The following UNC79 variants were observed in gnomAD, a reference collection of about 807,000 sequenced individuals.
UNC79 encodes the protein unc-79 subunit of NALCN channel complex.
Under a neutral mutation model 283.1 loss-of-function variants are expected in UNC79, and 37 were observed. The ratio of observed to expected loss-of-function variants is 0.13; its 90% CI spans 0.10 to 0.17. The LOEUF (loss-of-function observed/expected upper bound fraction) is 0.17, where lower values mean the gene tolerates loss of function less well. Ranked by LOEUF, UNC79 falls within the 10% of genes least tolerant of loss-of-function variation. The probability of loss-of-function intolerance (pLI) is 1.00; values close to 1 mark genes in which losing one functional copy is unlikely to be tolerated. For synonymous variants in UNC79, 1,107 were observed against 1,200.2 expected, an observed-to-expected ratio of 0.92 and a Z score of 1.61; for missense variants, 2,272 against 3,211.1, an observed-to-expected ratio of 0.71 and a Z score of 7.07.
At chr14:93,653,038 G>A (rs2070465552) in intron 35 of UNC79, among the ~76,000 whole-genome samples, 1 of 152,098 alleles carries the variant, frequency 6.6e-6, no homozygotes, top group Non-Finnish European at 1.5e-5. Context: ...GGCATAATTA[G>A]GTAAGCAGTA....
exon 17 of UNC79, chr14:93,575,128 C>T (rs1261732541): frequency 6.2e-7 from 1 of 1,613,912 alleles, no homozygotes; most frequent in South Asian, 1.1e-5. Flanking sequence ...GGAGTTAATT[C>T]AGTCAAAGAG....
At chr14:93,611,846 A>T (rs1339965934) in intron 26 of UNC79, among the ~76,000 whole-genome samples, 1 of 142,716 alleles carries the variant, frequency 7.0e-6, no homozygotes, top group African/African-American at 2.9e-5. Context: ...TTTCTTATTA[A>T]AAAAAAAAAG....
intron 29 of UNC79, 41 bp downstream of exon 30, chr14:93,618,395 T>A: frequency 6.5e-7 from 1 of 1,535,106 alleles, no homozygotes; most frequent in South Asian, 1.3e-5. Flanking sequence ...CTTCAATACA[T>A]AATAGATTTC....
rs912558369 is a variant in UNC79, at chr14:93,635,788, C to T, written c.5717-1428C>T. 2.0e-5 allele frequency among the ~76,000 whole-genome samples: 3 copies of T among 152,226 alleles called. No individual in the cohort carries two copies. The East Asian group carries it at 5.8e-4, about 29-fold the overall frequency. ...CATTTTAGTGATATGTGGTAGTGAG[C>T]AGTGAATAGCCAAGAGCCAACAGGC... On this transcript the variant is annotated intron_variant, in intron 31 of 48. Coordinates refer to ENST00000555664, the Ensembl canonical transcript of UNC79.
chr14:93,598,394 GTGTGTGTGTGTGTGT>G (rs2065239763), intron 24 of UNC79, among the ~76,000 whole-genome samples: 8 of 151,818 alleles, frequency 5.3e-5, no homozygotes, highest in Admixed American at 1.3e-4. Context: ...GTGTGTGTGT[GTGTGTGTGTGTGTGT>G]GGCAGATTTT....
Position 93,688,643 on chromosome 14 carries a change from A to C in UNC79, c.6910-22A>C, listed in dbSNP as rs1483565378. ...GAATCCAGGTGTCTGCCAGAGTTAC[A>C]AAATACCATTCGGTTTTGTAGAGCC... On this transcript the variant is annotated intron_variant, in intron 43 of 48. Transcript: ENST00000555664. The surrounding 1 kb of genome is among the most constrained non-coding windows in gnomAD (Gnocchi z 4.0). The C allele has an allele frequency of 4.4e-6, 7 of 1,607,168 alleles. No individual in the cohort carries two copies. Among genetic ancestry groups the C allele is most frequent in the Non-Finnish European group, 6.0e-6 (7 of 1,175,758 alleles).
At chr14:93,471,504 C>A (rs1039217995) in intron 2 of UNC79, among the ~76,000 whole-genome samples, 2 of 151,730 alleles carry the variant, frequency 1.3e-5, no homozygotes, top group Non-Finnish European at 2.9e-5. Flanking sequence ...GTTTACAGAA[C>A]TGTGGGAAAG....
intron 5 of UNC79, among the ~76,000 whole-genome samples, chr14:93,493,198 G>A (rs1375461585): frequency 1.3e-5 from 2 of 152,072 alleles, no homozygotes; most frequent in African/African-American, 2.4e-5. Flanking sequence ...AAGGGGGGGC[G>A]GTTCAGGAAG....
At chr14:93,574,766 C>T (rs533524698) in intron 16 of UNC79, among the ~76,000 whole-genome samples, 1 of 151,418 alleles carries the variant, frequency 6.6e-6, no homozygotes, top group African/African-American at 2.4e-5. Context: ...GGATCTAAGG[C>T]ACTAGTGGTG....
Position 93,694,034 on chromosome 14 carries a change from A to G in UNC79, c.7471-301A>G, listed in dbSNP as rs2074909298. On this transcript the variant is annotated intron_variant, in intron 46 of 48. Coordinates refer to ENST00000555664, the Ensembl canonical transcript of UNC79. ...GTTAGAAATGAAGGCAACAGAGGCC[A>G]TTTATCCCCTGGTGTGAGTCAGTGC... 2.0e-5 allele frequency among the ~76,000 whole-genome samples: 3 copies of G among 152,344 alleles called. No individual in the cohort carries two copies. In the South Asian group the frequency reaches 6.2e-4, roughly 32 times the overall value.
At chr14:93,601,011 T>C (rs2065460655) in intron 25 of UNC79, among the ~76,000 whole-genome samples, 1 of 152,226 alleles carries the variant, frequency 6.6e-6, no homozygotes, top group South Asian at 2.1e-4. Context: ...TTTATGACTG[T>C]GTGTTCCCTA....
At chr14:93,694,479 A>G (rs912035708) in intron 47 of UNC79, 67 bp downstream of exon 50, 10 of 1,427,208 alleles carry the variant, frequency 7.0e-6, no homozygotes, top group African/African-American at 1.4e-5. Context: ...ATTTATGTTG[A>G]AGGTACTTTC....
chr14:93,655,472 A>G, intron 38 of UNC79, 65 bp downstream of exon 41: 1 of 1,571,468 alleles, frequency 6.4e-7, no homozygotes, highest in Non-Finnish European at 8.7e-7. Flanking sequence ...TTTATTTACA[A>G]GCAGCAGAGT....
intron 35 of UNC79, among the ~76,000 whole-genome samples, chr14:93,651,835 G>T (rs1322918396): frequency 6.6e-6 from 1 of 151,558 alleles, no homozygotes; most frequent in Non-Finnish European, 1.5e-5. Flanking sequence ...TGCCTCCTGG[G>T]TTTAAAGGAT....
intron 20 of UNC79, among the ~76,000 whole-genome samples, chr14:93,586,371 C>A (rs755437866): frequency 6.6e-6 from 1 of 152,262 alleles, no homozygotes; most frequent in South Asian, 2.1e-4. Context: ...TGATGGACTG[C>A]GCAGTGGAAA....
chr14:93,484,418 C>A (rs1280968186), intron 4 of UNC79, among the ~76,000 whole-genome samples: 1 of 152,144 alleles, frequency 6.6e-6, no homozygotes, highest in Non-Finnish European at 1.5e-5. Context: ...ATGGCTTTTC[C>A]TATATAACTC....
At chr14:93,612,805 T>A (rs1475282729) in exon 27 of UNC79, 2 of 1,612,578 alleles carry the variant, frequency 1.2e-6, no homozygotes, top group Admixed American at 1.7e-5. Context: ...AGGACAACAA[T>A]CTCCTGAGAA....
intron 1 of UNC79, among the ~76,000 whole-genome samples, chr14:93,441,079 T>G (rs559720004): frequency 6.6e-6 from 1 of 152,252 alleles, no homozygotes; most frequent in South Asian, 2.1e-4. Context: ...TTGCATCTTC[T>G]GTAGGTTGCT....
intron 26 of UNC79, among the ~76,000 whole-genome samples, chr14:93,610,803 G>T (rs2066248219): frequency 6.6e-6 from 1 of 151,966 alleles, no homozygotes; most frequent in African/African-American, 2.4e-5. Flanking sequence ...TAGAGACCAG[G>T]TCTTGTCATG....
Sources: allele counts gnomAD v4.1 joint callset (sites outside exome capture counted in the v4.1 genomes callset), GRCh38; gene constraint gnomAD v4.1.1; non-coding constraint Gnocchi (gnomAD v3.1); transcripts MANE v1.5; gene names NCBI Gene and HGNC (gene_info 2026-07-23, HGNC 2026-07-21).